Variants in ARHGEF33 observed in about 807,000 individuals in gnomAD.
ARHGEF33 encodes Rho guanine nucleotide exchange factor 33.
A neutral mutation model predicts 101.9 loss-of-function variants in ARHGEF33; 72 were observed. That is an observed-to-expected ratio of 0.71 (90% confidence interval 0.58 to 0.86). The LOEUF is 0.86. Among genes scored for constraint, ARHGEF33 ranks in the 40% least tolerant of loss-of-function variants. The pLI, the probability that ARHGEF33 is intolerant of heterozygous loss-of-function variation, is 0.00. For synonymous variants in ARHGEF33, 499 were observed against 442.5 expected, an observed-to-expected ratio of 1.13 and a Z score of -1.60; for missense variants, 1,169 against 1,111.3, an observed-to-expected ratio of 1.05 and a Z score of -0.74.
chr2:38,914,307 T>C (rs780632584), intron 2 of ARHGEF33, among the ~76,000 whole-genome samples: 2 of 152,248 alleles, frequency 1.3e-5, no homozygotes, highest in African/African-American at 2.4e-5. Flanking sequence ...ATAAAGGGAA[T>C]GTTCATCAGT....
chr2:38,940,484 C>T (rs1010432636), intron 9 of ARHGEF33, among the ~76,000 whole-genome samples: 2 of 151,792 alleles, frequency 1.3e-5, no homozygotes, highest in Non-Finnish European at 2.9e-5. Flanking sequence ...TCTGCTTTGG[C>T]CCAATGTACT....
intron 2 of ARHGEF33, 79 bp from the exon 3 acceptor site, chr2:38,919,284 T>G: frequency 1.5e-6 from 1 of 657,188 alleles, no homozygotes. Flanking sequence ...CATTTCAATT[T>G]TTTTACTAAT....
intron 2 of ARHGEF33, among the ~76,000 whole-genome samples, chr2:38,916,902 G>A (rs1313051138): frequency 6.6e-6 from 1 of 151,506 alleles, no homozygotes; most frequent in Non-Finnish European, 1.5e-5. Context: ...CCAGGTTCAA[G>A]TGATTCTCTT....
At chr2:38,922,262 A>C (rs922163519) in intron 4 of ARHGEF33, among the ~76,000 whole-genome samples, 8 of 152,182 alleles carry the variant, frequency 5.3e-5, no homozygotes, top group African/African-American at 1.9e-4. Flanking sequence ...AAACATTGAC[A>C]GAGCTTGGTG....
At chr2:38,936,691 C>G (rs910532580) in intron 8 of ARHGEF33, among the ~76,000 whole-genome samples, 2 of 152,166 alleles carry the variant, frequency 1.3e-5, no homozygotes, top group South Asian at 2.1e-4. Context: ...GAGTTAGCAA[C>G]AAGGCCGGGC....
chr2:38,904,039 G>C (rs999247857), intron 2 of ARHGEF33, among the ~76,000 whole-genome samples: 2 of 152,178 alleles, frequency 1.3e-5, no homozygotes, highest in African/African-American at 4.8e-5. Flanking sequence ...TTTTCTCAAA[G>C]AAGTTTACAA....
chr2:38,929,149 G>A lies in ARHGEF33; in HGVS notation c.240+78G>A. On this transcript the variant is annotated intron_variant, in intron 5 of 17. Coordinates refer to ENST00000409978, the MANE Select transcript of ARHGEF33 (RefSeq NM_001145451.5). The stretch of plus-strand genomic sequence containing the variant: ...AGCAATAGAAAACTTGCCTTTTTCT[G>A]GCTGGGCGTGGTGGCTCACGCCTGT... The A allele has an allele frequency of 3.5e-6, 4 of 1,141,738 alleles. No homozygotes were observed. The South Asian group carries it at 6.3e-5, about 18-fold the overall frequency. The allele number at this position is 1,141,738 out of a possible 1,614,324, so 70.7% of individuals were successfully genotyped here. A position where few individuals can be genotyped will look rare whatever the true frequency, so the allele number is the denominator to read the frequency against.
intron 2 of ARHGEF33, among the ~76,000 whole-genome samples, chr2:38,902,296 AT>A (rs1322210705): frequency 2.6e-5 from 4 of 152,172 alleles, no homozygotes; most frequent in African/African-American, 9.7e-5. Context: ...AGGTTGATAT[AT>A]TTGGGCAAGG....
At chr2:38,908,407 T>G (rs1304349346) in intron 2 of ARHGEF33, among the ~76,000 whole-genome samples, 3 of 152,230 alleles carry the variant, frequency 2.0e-5, no homozygotes, top group Admixed American at 2.0e-4. Flanking sequence ...TCTGAAACTT[T>G]TGATAAGTTT....
At chr2:38,964,275 C>G (rs980544604) in intron 16 of ARHGEF33, among the ~76,000 whole-genome samples, 14 of 152,062 alleles carry the variant, frequency 9.2e-5, no homozygotes, top group East Asian at 3.9e-4. Flanking sequence ...TTGAAATTAT[C>G]TCAAACCTAC....
intron 9 of ARHGEF33, among the ~76,000 whole-genome samples, chr2:38,938,030 G>A (rs528633443): frequency 6.6e-6 from 1 of 152,198 alleles, no homozygotes; most frequent in South Asian, 2.1e-4. Context: ...TATTTGGGGG[G>A]AGGTAATTTT....
rs962519638 is a variant in ARHGEF33, at chr2:38,899,778, T to C, written c.-86+3929T>C. ...TTAGCTTGATTTACTTATTCTATGT[T>C]GTATGCATATATCATAACATTGCAC... On this transcript the variant is annotated intron_variant, in intron 2 of 17. Coordinates refer to ENST00000409978, the MANE Select transcript of ARHGEF33 (RefSeq NM_001145451.5). Among the ~76,000 whole-genome samples the C allele has an allele frequency of 4.6e-5, 7 of 152,180 alleles. 1 individual carries two copies. Among genetic ancestry groups the C allele is most frequent in the South Asian group, 4.1e-4 (2 of 4,828 alleles).
chr2:38,900,157 A>T (rs898141229), intron 2 of ARHGEF33, among the ~76,000 whole-genome samples: 1 of 152,196 alleles, frequency 6.6e-6, no homozygotes, highest in Non-Finnish European at 1.5e-5. Flanking sequence ...ATACCACCGC[A>T]TTCGCTCCAG....
chr2:38,890,581 G>T (rs931742392), intron 1 of ARHGEF33, among the ~76,000 whole-genome samples: 3 of 152,152 alleles, frequency 2.0e-5, no homozygotes, highest in Non-Finnish European at 4.4e-5. Flanking sequence ...GAAGAACTGA[G>T]TTTCACTTAA....
In ARHGEF33 at chr2:38,949,760, T is replaced by C. The variant is rs1251082421; in HGVS notation, c.921-1229T>C. Among the ~76,000 whole-genome samples, 5 of 152,186 alleles carry C rather than the reference T, an allele frequency of 3.3e-5. No homozygotes were observed. In the East Asian group the frequency reaches 9.6e-4, roughly 29 times the overall value. On this transcript the variant is annotated intron_variant, in intron 10 of 17. Transcript: ENST00000409978. ...AATTGGATCACGGTTCTGCAGGCTG[T>C]ACAGGAAGCACGATGCTGGCATCTG...
chr2:38,951,059 G>A lies in ARHGEF33; in HGVS notation c.991G>A (p.Val331Ile), dbSNP rs975117127. Residue 331 changes from valine (V) to isoleucine (I), a missense_variant, in exon 11 of 18, where the codon GTC becomes ATC. Val to Ile is a conservative substitution (Grantham distance 29). Coordinates refer to ENST00000409978, the MANE Select transcript of ARHGEF33 (RefSeq NM_001145451.5). The stretch of plus-strand genomic sequence containing the variant: ...TCTGCTTCACGCACTGCAGGAAAGG[G>A]TCCTGAAGTGGCCACGCCAAGGCGT... ...LDLLHALQER[V>I]LKWPRQGVLG... The A allele has an allele frequency of 1.1e-5, 17 of 1,551,886 alleles. No homozygotes were observed. The highest frequency in any genetic ancestry group is 1.3e-5 in the Non-Finnish European group (15 of 1,146,964).
Position 38,960,012 on chromosome 2 carries a change from C to G in ARHGEF33, c.1707C>G (p.Ala569=). Residue 569 remains alanine (A), a synonymous_variant, in exon 16 of 18, where the codon GCC becomes GCG. Coordinates refer to ENST00000409978, the MANE Select transcript of ARHGEF33 (RefSeq NM_001145451.5). ...CCGAGCAGGACGTGAAGGCGCTGGC[C>G]GGGCCCCTGCAGGCCATCCCGGAGA... ...CAAEQDVKAL[A]GPLQAIPEMD... is the part of the protein sequence containing the mutation. The G allele has an allele frequency of 6.5e-7, 1 of 1,548,636 alleles. No homozygotes were observed. The highest frequency in any genetic ancestry group is 1.2e-5 in the South Asian group (1 of 83,946).
At chr2:38,945,861 A>G (rs1667437781) in intron 10 of ARHGEF33, among the ~76,000 whole-genome samples, 1 of 152,226 alleles carries the variant, frequency 6.6e-6, no homozygotes, top group Non-Finnish European at 1.5e-5. Context: ...CCTACCTTAC[A>G]GACGAAGGAA....
intron 16 of ARHGEF33, among the ~76,000 whole-genome samples, chr2:38,961,578 G>C (rs1667940639): frequency 6.6e-6 from 1 of 152,140 alleles, no homozygotes; most frequent in South Asian, 2.1e-4. Flanking sequence ...TTTTCGAATG[G>C]AAACAGTGAT....
Sources: allele counts gnomAD v4.1 joint callset (sites outside exome capture counted in the v4.1 genomes callset), GRCh38; gene constraint gnomAD v4.1.1; transcripts MANE v1.5; gene names NCBI Gene and HGNC (gene_info 2026-07-23, HGNC 2026-07-21).